Variants in TBC1D16 observed in about 807,000 individuals in gnomAD.
TBC1D16 encodes the protein CTD-2529O21.1.
A neutral mutation model predicts 74.7 loss-of-function variants in TBC1D16; 58 were observed. The observed-to-expected ratio is 0.78, with a 90% CI of 0.63 to 0.97. The LOEUF (loss-of-function observed/expected upper bound fraction) is 0.97, where lower values mean the gene tolerates loss of function less well. Ranked by LOEUF, TBC1D16 falls within the 50% of genes least tolerant of loss-of-function variation. The pLI is 0.00. For synonymous variants in TBC1D16, 493 were observed against 474.7 expected (o/e 1.04, Z -0.50); for missense variants, 1,014 against 1,079.5 (o/e 0.94, Z 0.85).
rs779835329 is a variant in TBC1D16, at chr17:79,949,734, A to C, written c.1389T>G (p.Ser463=). The change falls in exon 7 of 12, where the codon TCT becomes TCG. Residue 463 remains serine, a synonymous_variant. Transcript: ENST00000310924. ...ALRLQKRKEY[S]EIQQKRLSMT... is the part of the protein sequence containing the mutation. ...GCGGTTACCTTTTCTGCTGGATCTC[A>C]GAGTACTCCTTTCGCTTCTGCAGCC... 2.5e-6 allele frequency: 4 copies of C among 1,611,492 alleles called. No homozygotes were observed. The South Asian group carries it at 3.3e-5, about 13-fold the overall frequency.
Position 79,934,219 on chromosome 17 carries a change from G to A in TBC1D16, c.*6640C>T, listed in dbSNP as rs1452655909. 6.6e-6 allele frequency: 1 copy of A among 152,328 alleles called. No individual in the cohort carries two copies. The highest frequency in any genetic ancestry group is 1.5e-5 in the Non-Finnish European group (1 of 68,112). 9.4% of individuals were successfully genotyped at this position (152,328 alleles called of 1,614,324 possible). ...AGGGCACAGCAGAGGTGAACATGAG[G>A]ATGATGCTGCGTCTGGGCTGTATCC... On this transcript the variant is annotated 3_prime_UTR_variant, in exon 12 of 12. Coordinates refer to ENST00000310924, the MANE Select transcript of TBC1D16 (RefSeq NM_019020.4).
intron 2 of TBC1D16, among the ~76,000 whole-genome samples, chr17:80,011,825 CAAA>C (rs57521904): frequency 9.0e-6 from 1 of 110,626 alleles, no homozygotes. Flanking sequence ...GACTCCGTCT[CAAA>C]AAAAAAAAAA....
At chr17:79,965,257 T>G (rs2033792275) in intron 3 of TBC1D16, among the ~76,000 whole-genome samples, 2 of 152,018 alleles carry the variant, frequency 1.3e-5, no homozygotes, top group Non-Finnish European at 2.9e-5. Context: ...TTTTTTTGAA[T>G]TTTTAGTAGA....
intron 9 of TBC1D16, 105 bp downstream of exon 9, chr17:79,947,540 C>G (rs1048784738): frequency 9.1e-6 from 12 of 1,318,386 alleles, no homozygotes; most frequent in Non-Finnish European, 1.2e-5. Flanking sequence ...GCCCACTGAC[C>G]TACAGCAGCC....
At chr17:79,953,125 C>T (rs2033162770) in intron 3 of TBC1D16, 1 of 230,730 alleles carries the variant, frequency 4.3e-6, no homozygotes, top group African/African-American at 2.3e-5. Flanking sequence ...CGCTGTGTGA[C>T]CTTGGCCAAG....
At chr17:80,021,622 C>T (rs1473905423) in intron 1 of TBC1D16, among the ~76,000 whole-genome samples, 1 of 149,440 alleles carries the variant, frequency 6.7e-6, no homozygotes, top group Non-Finnish European at 1.5e-5. Flanking sequence ...TACATACACA[C>T]CATAGACACA....
intron 3 of TBC1D16, among the ~76,000 whole-genome samples, chr17:80,003,992 T>G (rs1340168640): frequency 6.6e-6 from 1 of 152,212 alleles, no homozygotes; most frequent in Admixed American, 6.5e-5. Context: ...GAGGCTGCAG[T>G]GAGCTGTGAT....
At position 79,990,053 on chromosome 17, in the gene TBC1D16, TAA is replaced by T. The variant is rs2035000674; in HGVS notation, c.779+20105_779+20106del. ...AGTCTATTTTTCTAAGCTCACTAGG[TAA>T]AGTGTTACTTCCTGATCTAATCTTG... On this transcript the variant is annotated intron_variant, in intron 3 of 11. Transcript: ENST00000310924. This position sits in a 1 kb window ranked among gnomAD's most constrained non-coding sequence, Gnocchi z 4.8. Among the ~76,000 whole-genome samples, 1 of 152,192 alleles carries T rather than the reference TAA, an allele frequency of 6.6e-6. No individual in the cohort carries two copies. Among genetic ancestry groups the T allele is most frequent in the Non-Finnish European group, 1.5e-5 (1 of 68,034 alleles).
At chr17:79,953,980 G>A (rs1284966066) in intron 3 of TBC1D16, among the ~76,000 whole-genome samples, 1 of 152,096 alleles carries the variant, frequency 6.6e-6, no homozygotes, top group Non-Finnish European at 1.5e-5. Flanking sequence ...ATGTTGACCA[G>A]GCTAGTCTTG....
rs553900135 is a variant in TBC1D16, at chr17:79,993,228, G to A, written c.779+16932C>T. Among the ~76,000 whole-genome samples, 6 of 152,336 alleles carry A rather than the reference G, an allele frequency of 3.9e-5. No individual in the cohort carries two copies. The South Asian group carries it at 1.0e-3, about 26-fold the overall frequency. On this transcript the variant is annotated intron_variant, in intron 3 of 11. Transcript: ENST00000310924. This position sits in a 1 kb window ranked among gnomAD's most constrained non-coding sequence, Gnocchi z 5.1. ...GCTCCCACACTTAAAGATCATCTCT[G>A]TCACCACCTGGGGGTAATAAGGTCA...
rs62076646 is a variant in TBC1D16, at chr17:79,935,583, C to G, written c.*5276G>C. 0.1 allele frequency: 15,442 copies of G among 152,344 alleles called. 1,022 individuals are homozygous for G. The highest frequency in any genetic ancestry group is 0.15 in the Non-Finnish European group (10,264 of 68,034). The allele number at this position is 152,344 out of a possible 1,614,324, so 9.4% of individuals were successfully genotyped here. A position where few individuals can be genotyped will look rare whatever the true frequency, so the allele number is the denominator to read the frequency against. On this transcript the variant is annotated 3_prime_UTR_variant, in exon 12 of 12. Coordinates refer to ENST00000310924, the MANE Select transcript of TBC1D16 (RefSeq NM_019020.4). ...AGCACAGAGCCTGCCGTGCTTTGAC[C>G]CAGCAAGTCCCACCGCACCTTCCAG...
intron 1 of TBC1D16, among the ~76,000 whole-genome samples, chr17:80,017,916 C>T (rs2036149300): frequency 6.6e-6 from 1 of 152,140 alleles, no homozygotes; most frequent in Admixed American, 6.5e-5. Flanking sequence ...GGGCATATGA[C>T]AACCAAGTGA....
chr17:79,949,621 A>G, intron 7 of TBC1D16, 96 bp downstream of exon 7: 11 of 1,449,256 alleles, frequency 7.6e-6, no homozygotes, highest in Non-Finnish European at 1.0e-5. Flanking sequence ...GTCACGAAAC[A>G]TATTATCAAT....
chr17:80,017,866 C>A (rs1189576754), intron 1 of TBC1D16, among the ~76,000 whole-genome samples: 1 of 152,100 alleles, frequency 6.6e-6, no homozygotes, highest in Non-Finnish European at 1.5e-5. Context: ...TCCAGGAAGC[C>A]TTCTGGCCAC....
chr17:80,016,026 A>G (rs1338441830), intron 1 of TBC1D16, among the ~76,000 whole-genome samples: 6 of 143,070 alleles, frequency 4.2e-5, no homozygotes, highest in Non-Finnish European at 6.2e-5. Context: ...AAAAAAAAAA[A>G]AAAAGAATTA....
At chr17:79,945,231 G>A in intron 9 of TBC1D16, 144 bp from the exon 10 acceptor site, 2 of 856,730 alleles carry the variant, frequency 2.3e-6, no homozygotes, top group Non-Finnish European at 1.7e-6. Flanking sequence ...GCATGTGCCT[G>A]CCCCCCCAAC....
At chr17:79,955,953 T>C (rs886900646) in intron 3 of TBC1D16, among the ~76,000 whole-genome samples, 1 of 152,234 alleles carries the variant, frequency 6.6e-6, no homozygotes, top group Non-Finnish European at 1.5e-5. Flanking sequence ...TGGGCCTTTT[T>C]TGACCAATAG....
In TBC1D16 at chr17:79,993,670, G is replaced by A. The variant is rs978775178; in HGVS notation, c.779+16490C>T. 4 of 152,260 alleles carry A rather than the reference G, an allele frequency of 2.6e-5. No individual in the cohort carries two copies. The highest frequency in any genetic ancestry group is 7.2e-5 in the African/African-American group (3 of 41,462). 9.4% of individuals were successfully genotyped at this position (152,260 alleles called of 1,614,324 possible). ...GCCAGGCGTGGTTCCCCAGAGGTAC[G>A]GTGTGAGCTCCCCAACTCACCGGGA... On this transcript the variant is annotated intron_variant, in intron 3 of 11. Transcript: ENST00000310924. The surrounding 1 kb of genome is among the most constrained non-coding windows in gnomAD (Gnocchi z 5.1).
intron 3 of TBC1D16, among the ~76,000 whole-genome samples, chr17:80,005,357 C>T (rs185779454): frequency 3.9e-5 from 6 of 152,330 alleles, no homozygotes; most frequent in South Asian, 4.1e-4. Context: ...TCAGTGGACA[C>T]GGTACCAGCC....
Sources: gnomAD v4.1 joint callset for allele counts (sites outside exome capture counted in the v4.1 genomes callset) on GRCh38, gnomAD v4.1.1 for gene constraint, Gnocchi (gnomAD v3.1) non-coding constraint, MANE v1.5 for transcripts, NCBI Gene and HGNC (gene_info 2026-07-23, HGNC 2026-07-21) for gene names.